The following EXOC6 variants were observed in gnomAD, a reference collection of about 807,000 sequenced individuals.
EXOC6 encodes the protein SEC15-like 1.
Under a neutral mutation model 112.5 loss-of-function variants are expected in EXOC6, and 60 were observed. The ratio of observed to expected loss-of-function variants is 0.53; its 90% CI spans 0.43 to 0.66. The LOEUF (loss-of-function observed/expected upper bound fraction) is 0.66. EXOC6 is among the 30% of genes least tolerant of loss of function. The pLI is 0.00. For synonymous variants in EXOC6, 295 were observed against 308.0 expected (o/e 0.96, Z 0.44); for missense variants, 855 against 957.1 (o/e 0.89, Z 1.41).
intron 4 of EXOC6, among the ~76,000 whole-genome samples, chr10:92,896,804 C>T (rs1849853620): frequency 6.6e-6 from 1 of 152,122 alleles, no homozygotes; most frequent in African/African-American, 2.4e-5. Context: ...GATCCATCCA[C>T]CCCAGCTTCC....
chr10:92,992,499 A>G (rs965086802), intron 18 of EXOC6, among the ~76,000 whole-genome samples: 7 of 152,084 alleles, frequency 4.6e-5, no homozygotes. Context: ...TGCATTTGTG[A>G]AATAATCTTG....
intron 6 of EXOC6, among the ~76,000 whole-genome samples, chr10:92,915,538 C>T (rs1166486581): frequency 6.7e-6 from 1 of 148,622 alleles, no homozygotes; most frequent in African/African-American, 2.5e-5. Flanking sequence ...CACTGTACTC[C>T]AGCCTGGATG....
intron 1 of EXOC6, among the ~76,000 whole-genome samples, chr10:92,885,230 G>T (rs532053958): frequency 1.2e-4 from 18 of 152,196 alleles, no homozygotes; most frequent in Middle Eastern, 3.4e-3. Flanking sequence ...GATAGAAAAT[G>T]TGTTTGATAC....
At chr10:92,896,841 C>T (rs369860502) in intron 4 of EXOC6, among the ~76,000 whole-genome samples, 1 of 152,134 alleles carries the variant, frequency 6.6e-6, no homozygotes, top group South Asian at 2.1e-4. Context: ...CAGGTGTAAG[C>T]CACTGCGCCT....
intron 1 of EXOC6, among the ~76,000 whole-genome samples, chr10:92,891,384 C>T (rs1849491042): frequency 1.3e-5 from 2 of 152,182 alleles, no homozygotes; most frequent in Admixed American, 1.3e-4. Flanking sequence ...CTAGTTCTAA[C>T]TCAGCTCTTA....
At chr10:92,885,797 CT>C (rs754117934) in intron 1 of EXOC6, among the ~76,000 whole-genome samples, 36 of 152,146 alleles carry the variant, frequency 2.4e-4, no homozygotes, top group Non-Finnish European at 2.8e-4. Context: ...TAACCCCCCC[CT>C]CTTTTTTACT....
chr10:92,924,349 A>C (rs1171262291), intron 8 of EXOC6, among the ~76,000 whole-genome samples: 3 of 152,350 alleles, frequency 2.0e-5, no homozygotes, highest in Admixed American at 2.0e-4. Flanking sequence ...TGGGTTAGTA[A>C]AGCTGTATCT....
intron 13 of EXOC6, among the ~76,000 whole-genome samples, chr10:92,941,402 T>TA (rs1852661452): frequency 6.6e-6 from 1 of 152,248 alleles, no homozygotes; most frequent in Non-Finnish European, 1.5e-5. Context: ...ACAGTATACA[T>TA]ATATCTGTTT....
At chr10:92,875,329 A>AT (rs1848637794) in intron 1 of EXOC6, among the ~76,000 whole-genome samples, 1 of 151,988 alleles carries the variant, frequency 6.6e-6, no homozygotes, top group Admixed American at 6.6e-5. Flanking sequence ...CCTCCACGAA[A>AT]TTTTTCCATC....
upstream of EXOC6, among the ~76,000 whole-genome samples, chr10:92,844,290 T>C (rs1589681960): frequency 6.6e-6 from 1 of 152,234 alleles, no homozygotes; most frequent in South Asian, 2.1e-4. Context: ...CAGTGAACAA[T>C]ACAGGCATCG....
At chr10:93,033,230 G>A (rs557673191) in intron 20 of EXOC6, among the ~76,000 whole-genome samples, 1 of 152,320 alleles carries the variant, frequency 6.6e-6, no homozygotes, top group Admixed American at 6.5e-5. Flanking sequence ...ATTAGAATCA[G>A]GAAGAGCAAT....
At chr10:92,933,268 C>T (rs1019041539) in intron 9 of EXOC6, among the ~76,000 whole-genome samples, 2 of 152,026 alleles carry the variant, frequency 1.3e-5, no homozygotes, top group Non-Finnish European at 2.9e-5. Context: ...ATCTTCTAAA[C>T]CAAGTAGACA....
chr10:92,962,844 T>A (rs1196477233), intron 17 of EXOC6, among the ~76,000 whole-genome samples: 1 of 152,138 alleles, frequency 6.6e-6, no homozygotes, highest in African/African-American at 2.4e-5. Context: ...TGTAGACATG[T>A]TTGATTTGGT....
chr10:92,936,888 TC>T (rs1362696230), intron 12 of EXOC6, among the ~76,000 whole-genome samples: 1 of 152,128 alleles, frequency 6.6e-6, no homozygotes, highest in Non-Finnish European at 1.5e-5. Context: ...AGTAATATTA[TC>T]CTCTCCCATC....
chr10:92,907,048 T>C (rs1322134426), intron 5 of EXOC6, among the ~76,000 whole-genome samples: 1 of 152,188 alleles, frequency 6.6e-6, no homozygotes, highest in Non-Finnish European at 1.5e-5. Flanking sequence ...TGACTTCTGC[T>C]CTCTGCCTAA....
chr10:92,942,108 G>A (rs557347941), intron 13 of EXOC6, among the ~76,000 whole-genome samples: 2 of 152,200 alleles, frequency 1.3e-5, no homozygotes, highest in South Asian at 2.1e-4. Context: ...AGAAATTTTC[G>A]AACAGGGTGA....
chr10:92,936,630 G>C (rs1852357911), intron 12 of EXOC6, among the ~76,000 whole-genome samples: 1 of 152,156 alleles, frequency 6.6e-6, no homozygotes, highest in Non-Finnish European at 1.5e-5. Context: ...AAAAAAATAA[G>C]ATTTTTCTTT....
chr10:93,008,453 G>A (rs949487035), intron 19 of EXOC6, among the ~76,000 whole-genome samples: 2 of 152,144 alleles, frequency 1.3e-5, no homozygotes, highest in African/African-American at 4.8e-5. Flanking sequence ...ATAATAGGGG[G>A]GGAAGTGGGC....
chr10:92,929,384 C>G (rs1456187611), intron 9 of EXOC6, among the ~76,000 whole-genome samples: 1 of 152,182 alleles, frequency 6.6e-6, no homozygotes, highest in Admixed American at 6.5e-5. Flanking sequence ...TCAAGTATTT[C>G]CATCCTGATA....
Sources: gnomAD v4.1 joint callset for allele counts (sites outside exome capture counted in the v4.1 genomes callset) on GRCh38, gnomAD v4.1.1 for gene constraint, MANE v1.5 for transcripts, NCBI Gene and HGNC (gene_info 2026-07-23, HGNC 2026-07-21) for gene names.